The following CDK10 variants were observed in gnomAD, a reference collection of about 807,000 sequenced individuals.
CDK10 encodes the protein cyclin-dependent kinase 10.
A neutral mutation model predicts 51.0 loss-of-function variants in CDK10; 55 were observed. The observed-to-expected ratio is 1.08, with a 90% CI of 0.87 to 1.35. The LOEUF is 1.35. Ranked by LOEUF, CDK10 falls within the 40% of genes most tolerant of loss-of-function variation. The probability of loss-of-function intolerance (pLI) is 0.00; values close to 1 mark genes in which losing one functional copy is unlikely to be tolerated. For synonymous variants in CDK10, 255 were observed against 199.1 expected, an observed-to-expected ratio of 1.28 and a Z score of -2.36; for missense variants, 589 against 485.1, an observed-to-expected ratio of 1.21 and a Z score of -2.01.
In CDK10 at chr16:89,693,340, G is replaced by T; in HGVS notation, c.538+14G>T. The T allele has an allele frequency of 6.2e-7, 1 of 1,614,064 alleles. No homozygotes were observed. Among genetic ancestry groups the T allele is most frequent in the East Asian group, 2.2e-5 (1 of 44,878 alleles). On this transcript the variant is annotated intron_variant, in intron 7 of 12. Coordinates refer to ENST00000353379, the MANE Select transcript of CDK10 (RefSeq NM_052988.5). ...GTGTGAAGACAGGTGGGTGCAACTT[G>T]GGCCAGGCCCTGTCCCTAGATGGCA...
chr16:89,691,365 G>A, intron 3 of CDK10, 78 bp from the exon 4 acceptor site: 1 of 1,065,660 alleles, frequency 9.4e-7, no homozygotes, highest in Non-Finnish European at 1.4e-6. Context: ...AGGTGTTCGT[G>A]AAGCCCAAGA....
rs768913622 is a variant in CDK10 at position 89,691,828 on chromosome 16, T to TTCA, written c.358_359insTCA (p.Cys120delinsPheSer). On this transcript the variant is annotated protein_altering_variant, in exon 5 of 13. Coordinates refer to ENST00000353379, the MANE Select transcript of CDK10 (RefSeq NM_052988.5). ...CAGCATCTTCCTGGTGATGGGTTACTGTGAGCAGGACCTGGCCAGCCTCCT... is the reference window on the plus strand; with the variant it reads ...CAGCATCTTCCTGGTGATGGGTTACTTCAGTGAGCAGGACCTGGCCAGCCTCCT... 1 of 1,613,846 alleles carries TTCA rather than the reference T, an allele frequency of 6.2e-7. No individual in the cohort carries two copies. Among genetic ancestry groups the TTCA allele is most frequent in the African/African-American group, 1.3e-5 (1 of 74,848 alleles).
At chr16:89,693,872 A>C (rs2060569003) in intron 8 of CDK10, 2 of 565,026 alleles carry the variant, frequency 3.5e-6, no homozygotes, top group Non-Finnish European at 6.3e-6. Flanking sequence ...GGTCAGAATC[A>C]GGTCAGGACC....
At position 89,694,999 on chromosome 16, in the gene CDK10, C is replaced by T. The variant is rs771111623; in HGVS notation, c.861C>T (p.His287=). 1.9e-6 allele frequency: 3 copies of T among 1,613,514 alleles called. No homozygotes were observed. The highest frequency in any genetic ancestry group is 2.5e-6 in the Non-Finnish European group (3 of 1,180,032). The stretch of plus-strand genomic sequence containing the variant: ...AGCAGCCCTACAACAACCTGAAGCA[C>T]AAGTTCCCATGGCTGTCGGAGGCCG... ...LRKQPYNNLK[H]KFPWLSEAGL... is the part of the protein sequence containing the mutation. The change falls in exon 11 of 13, where the codon CAC becomes CAT. Residue 287 remains histidine, a synonymous_variant. Transcript: ENST00000353379.
intron 6 of CDK10, among the ~76,000 whole-genome samples, 172 bp from the exon 7 acceptor site, chr16:89,693,102 C>T (rs1475641199): frequency 1.3e-5 from 2 of 150,316 alleles, no homozygotes; most frequent in Admixed American, 1.3e-4. Context: ...TGCTCCACTG[C>T]ACTCCAGCCT....
At chr16:89,692,020 C>T (rs2060473689) in intron 5 of CDK10, 133 bp downstream of exon 5, 5 of 735,976 alleles carry the variant, frequency 6.8e-6, no homozygotes, top group South Asian at 1.8e-5. Flanking sequence ...AGTGTTTCAG[C>T]GAGCTTCAGT....
rs183458337 is a variant in CDK10 at position 89,695,710 on chromosome 16, G to C, written c.*18G>C. ...AACCCTGACGGTGGGCCTGGCACAC[G>C]CCTGTATTCCCACACCAGGTCTTCC... On this transcript the variant is annotated 3_prime_UTR_variant, in exon 13 of 13. Coordinates refer to ENST00000353379, the MANE Select transcript of CDK10 (RefSeq NM_052988.5). 6.3e-7 allele frequency: 1 copy of C among 1,590,732 alleles called. No homozygotes were observed. Among genetic ancestry groups the C allele is most frequent in the African/African-American group, 1.3e-5 (1 of 74,504 alleles).
intron 6 of CDK10, 108 bp downstream of exon 6, chr16:89,692,624 C>A: frequency 1.4e-6 from 1 of 712,190 alleles, no homozygotes; most frequent in Non-Finnish European, 2.3e-6. Context: ...CAGCAGCCTG[C>A]CCGCTGCTCG....
chr16:89,692,293 T>C (rs2060489133), intron 5 of CDK10, 156 bp from the exon 6 acceptor site: 1 of 557,718 alleles, frequency 1.8e-6, no homozygotes, highest in African/African-American at 2.0e-5. Flanking sequence ...CCTGGGCTGC[T>C]GGGAGCGTGC....
In CDK10 at chr16:89,695,338, G is replaced by T. The variant is rs2060669726; in HGVS notation, c.978G>T (p.Lys326Asn). Residue 326 changes from lysine (K) to asparagine (N), a missense_variant, in exon 12 of 13, where the codon AAG (lysine) becomes AAT (asparagine). Coordinates refer to ENST00000353379, the MANE Select transcript of CDK10 (RefSeq NM_052988.5). ...TGGAGAGCTCCTATTTCAAGGAGAA[G>T]CCCCTACGTGAGTGTGCAGGGTTCC... Reference protein sequence around the residue: ...DCLESSYFKEKPLPCEPELMP... With the variant: ...DCLESSYFKENPLPCEPELMP... The T allele has an allele frequency of 1.2e-6, 2 of 1,612,436 alleles. No homozygotes were observed. The highest frequency in any genetic ancestry group is 1.7e-6 in the Non-Finnish European group (2 of 1,178,968).
At chr16:89,693,211 G>A (rs1315670177) in intron 6 of CDK10, 63 bp from the exon 7 acceptor site, 11 of 1,461,996 alleles carry the variant, frequency 7.5e-6, no homozygotes, top group East Asian at 4.5e-5. Context: ...CATTGGTGCC[G>A]TGGGGGAGCT....
At chr16:89,693,752 G>A (rs1188654026) in intron 8 of CDK10, 4 of 560,936 alleles carry the variant, frequency 7.1e-6, no homozygotes, top group African/African-American at 3.8e-5. Flanking sequence ...TGGAGGGAAG[G>A]CTGCTTCACG....
intron 4 of CDK10, 118 bp from the exon 5 acceptor site, chr16:89,691,688 C>T: frequency 8.0e-7 from 1 of 1,248,974 alleles, no homozygotes; most frequent in South Asian, 1.2e-5. Flanking sequence ...TGGCTCAGCC[C>T]ATTGTCTGAG....
chr16:89,695,149 C>T (rs2060653766), intron 11 of CDK10, 79 bp downstream of exon 11: 10 of 1,552,700 alleles, frequency 6.4e-6, no homozygotes, highest in Non-Finnish European at 5.2e-6. Context: ...AGCCTCACTG[C>T]GGTGGAGAGG....
At chr16:89,686,917 G>A in intron 1 of CDK10, 120 bp downstream of exon 1, 1 of 809,842 alleles carries the variant, frequency 1.2e-6, no homozygotes, top group African/African-American at 1.9e-5. Context: ...GGGAACGACA[G>A]TCCCAGAGTT....
chr16:89,695,091 G>T (rs1431420009), intron 11 of CDK10, 21 bp downstream of exon 11: 1 of 1,605,484 alleles, frequency 6.2e-7, no homozygotes, highest in Non-Finnish European at 8.5e-7. Flanking sequence ...CTGCACGGGG[G>T]GCAGGGACCC....
chr16:89,692,846 A>G (rs748774796), intron 6 of CDK10, among the ~76,000 whole-genome samples: 7 of 151,656 alleles, frequency 4.6e-5, no homozygotes, highest in South Asian at 2.1e-4. Flanking sequence ...AAAAAATAAT[A>G]AAGATACTAC....
Position 89,689,329 on chromosome 16 carries a change from G to A in CDK10, c.160+5G>A. 6.2e-7 allele frequency: 1 copy of A among 1,613,452 alleles called. No homozygotes were observed. Among genetic ancestry groups the A allele is most frequent in the Non-Finnish European group, 8.5e-7 (1 of 1,179,394 alleles). ...AGGGTACCTACGGCATTGTGTGTGAGTGGCCAAGGCTAGGACATGTGGCCG... is the reference window on the plus strand; with the variant it reads ...AGGGTACCTACGGCATTGTGTGTGAATGGCCAAGGCTAGGACATGTGGCCG... On this transcript the variant is annotated splice_donor_5th_base_variant and intron_variant, in intron 2 of 12. Coordinates refer to ENST00000353379, the MANE Select transcript of CDK10 (RefSeq NM_052988.5).
At chr16:89,687,640 T>C (rs1220217623) in intron 1 of CDK10, 2 of 444,346 alleles carry the variant, frequency 4.5e-6, no homozygotes, top group Admixed American at 4.7e-5. Context: ...CACGGCTCAG[T>C]GCATCGTCAG....
Sources: gnomAD v4.1 joint callset for allele counts (sites outside exome capture counted in the v4.1 genomes callset) on GRCh38, gnomAD v4.1.1 for gene constraint, MANE v1.5 for transcripts, NCBI Gene and HGNC (gene_info 2026-07-23, HGNC 2026-07-21) for gene names.